The following STK31 variants were observed in gnomAD, a reference collection of about 807,000 sequenced individuals.
STK31 encodes the protein serine/threonine kinase 31.
In STK31, 89 loss-of-function variants were observed where a neutral mutation model predicts 129.7. The ratio of observed to expected loss-of-function variants is 0.69; its 90% CI spans 0.58 to 0.82. The LOEUF is 0.82. Among genes scored for constraint, STK31 ranks in the 40% least tolerant of loss-of-function variants. The pLI is 0.00. For missense variants in STK31, 1,187 were observed against 1,176.4 expected, an observed-to-expected ratio of 1.01 and a Z score of -0.13; for synonymous variants, 448 against 395.3, an observed-to-expected ratio of 1.13 and a Z score of -1.58.
intron 6 of STK31, among the ~76,000 whole-genome samples, chr7:23,729,949 T>C (rs1013296973): frequency 2.0e-5 from 3 of 152,258 alleles, no homozygotes; most frequent in Non-Finnish European, 2.9e-5. Flanking sequence ...AATGGGGTTA[T>C]AATTAATCAG....
At chr7:23,754,580 C>A in intron 10 of STK31, 106 bp downstream of exon 10, 1 of 1,276,072 alleles carries the variant, frequency 7.8e-7, no homozygotes, top group Non-Finnish European at 1.1e-6. Context: ...GCAGAATGTG[C>A]AGATTTGTTA....
intron 23 of STK31, among the ~76,000 whole-genome samples, chr7:23,822,755 C>A (rs1793865303): frequency 6.6e-6 from 1 of 152,106 alleles, no homozygotes; most frequent in Non-Finnish European, 1.5e-5. Flanking sequence ...CCTCCCACCA[C>A]CCCACAACAG....
intron 23 of STK31, among the ~76,000 whole-genome samples, chr7:23,825,285 T>C (rs561441403): frequency 6.6e-6 from 1 of 152,358 alleles, no homozygotes; most frequent in Admixed American, 6.5e-5. Context: ...AGCCTGTTAT[T>C]GGTCTATTCA....
At chr7:23,826,225 G>A (rs540952962) in intron 23 of STK31, among the ~76,000 whole-genome samples, 1 of 152,178 alleles carries the variant, frequency 6.6e-6, no homozygotes, top group East Asian at 1.9e-4. Context: ...ATTATTGTGT[G>A]GGAGCCTAAG....
intron 23 of STK31, among the ~76,000 whole-genome samples, chr7:23,828,956 G>A (rs1317255347): frequency 6.6e-6 from 1 of 151,696 alleles, no homozygotes; most frequent in East Asian, 1.9e-4. Context: ...CTGGAGTGCA[G>A]TGGCGTGATC....
chr7:23,772,095 C>G (rs1034628362), intron 14 of STK31, 52 bp from the exon 15 acceptor site: 2 of 1,336,002 alleles, frequency 1.5e-6, no homozygotes, highest in African/African-American at 3.0e-5. Flanking sequence ...GATCACTGTT[C>G]AATAAATACT....
chr7:23,803,649 AC>A (rs1381754618), intron 22 of STK31, among the ~76,000 whole-genome samples: 1 of 152,182 alleles, frequency 6.6e-6, no homozygotes, highest in Non-Finnish European at 1.5e-5. Context: ...AACTCGTGCC[AC>A]AGGGGCTTGT....
intron 6 of STK31, among the ~76,000 whole-genome samples, chr7:23,730,878 A>ATATATATATATATATATATTTTTTTTTT: frequency 1.7e-5 from 1 of 59,542 alleles, no homozygotes; most frequent in African/African-American, 5.8e-5. Flanking sequence ...ATATATATAT[A>ATATATATATATATATATATTTTTTTTTT]TTTTTTTTTT....
chr7:23,744,530 T>C (rs1356994947), intron 8 of STK31, among the ~76,000 whole-genome samples: 1 of 152,240 alleles, frequency 6.6e-6, no homozygotes. Flanking sequence ...ATGTTTCTTT[T>C]GTTACATTGA....
chr7:23,804,575 T>G (rs1437595237), intron 22 of STK31, among the ~76,000 whole-genome samples: 1 of 152,224 alleles, frequency 6.6e-6, no homozygotes, highest in East Asian at 1.9e-4. Flanking sequence ...ATTTTATTCT[T>G]TAAAACCTTG....
intron 10 of STK31, among the ~76,000 whole-genome samples, chr7:23,757,211 G>A (rs1789143055): frequency 6.6e-6 from 1 of 151,978 alleles, no homozygotes; most frequent in African/African-American, 2.4e-5. Context: ...TCTTCCAGAA[G>A]GGGTGGCCAG....
intron 15 of STK31, among the ~76,000 whole-genome samples, chr7:23,780,462 G>T (rs1486358019): frequency 1.3e-5 from 2 of 152,142 alleles, no homozygotes; most frequent in Non-Finnish European, 2.9e-5. Flanking sequence ...AAAGGGAAAG[G>T]ATGGATACTG....
chr7:23,771,212 A>G, intron 14 of STK31, 88 bp downstream of exon 14: 1 of 1,238,624 alleles, frequency 8.1e-7, no homozygotes, highest in African/African-American at 1.6e-5. Flanking sequence ...TTTAATACTC[A>G]GTGTCAGTAA....
At chr7:23,729,920 A>G (rs1035875868) in intron 6 of STK31, among the ~76,000 whole-genome samples, 2 of 152,222 alleles carry the variant, frequency 1.3e-5, no homozygotes, top group Non-Finnish European at 2.9e-5. Context: ...CTGGCCATAA[A>G]TACCACAAAT....
intron 22 of STK31, among the ~76,000 whole-genome samples, chr7:23,812,148 C>T (rs7778206): frequency 0.5 from 75,466 of 151,954 alleles, 18,984 homozygotes; most frequent in Admixed American, 0.56. Context: ...AAATTCCTTT[C>T]GTTTTCCCTT....
chr7:23,744,722 C>T (rs572553578), intron 8 of STK31, among the ~76,000 whole-genome samples: 8 of 152,218 alleles, frequency 5.3e-5, no homozygotes, highest in East Asian at 3.9e-4. Context: ...TAGTCAGTGG[C>T]GTTTGTGATT....
intron 10 of STK31, among the ~76,000 whole-genome samples, chr7:23,760,029 A>G (rs1789362844): frequency 1.3e-5 from 2 of 152,192 alleles, no homozygotes; most frequent in African/African-American, 2.4e-5. Flanking sequence ...GTTGGGAGGT[A>G]GTTGTTTGTG....
intron 11 of STK31, among the ~76,000 whole-genome samples, chr7:23,768,663 A>G (rs991535054): frequency 3.3e-5 from 5 of 152,154 alleles, no homozygotes; most frequent in Admixed American, 2.6e-4. Context: ...TACACAATAT[A>G]TCCATGTAGC....
intron 4 of STK31, among the ~76,000 whole-genome samples, chr7:23,723,649 G>C (rs1786865764): frequency 6.6e-6 from 1 of 152,122 alleles, no homozygotes; most frequent in Non-Finnish European, 1.5e-5. Context: ...CTCTCCCTCT[G>C]CCACCATGTA....
Sources: allele counts gnomAD v4.1 joint callset (sites outside exome capture counted in the v4.1 genomes callset), GRCh38; gene constraint gnomAD v4.1.1; transcripts MANE v1.5; gene names NCBI Gene and HGNC (gene_info 2026-07-23, HGNC 2026-07-21).